The following ARHGAP10 variants were observed in gnomAD, a reference collection of about 807,000 sequenced individuals.
ARHGAP10 encodes Rho GTPase activating protein 10.
A neutral mutation model predicts 108.6 loss-of-function variants in ARHGAP10; 87 were observed. That is an observed-to-expected ratio of 0.80 (90% CI 0.67 to 0.96). The LOEUF (loss-of-function observed/expected upper bound fraction) is 0.96. Among genes scored for constraint, ARHGAP10 ranks in the 40% least tolerant of loss-of-function variants. ARHGAP10 has a pLI of 0.00. For missense variants in ARHGAP10, 939 were observed against 954.5 expected (o/e 0.98, Z 0.21); for synonymous variants, 347 against 341.1 (o/e 1.02, Z -0.19).
chr4:147,748,005 C>G (rs1425221297), intron 1 of ARHGAP10, among the ~76,000 whole-genome samples: 2 of 152,114 alleles, frequency 1.3e-5, no homozygotes, highest in African/African-American at 4.8e-5. Flanking sequence ...TGCTAAACAC[C>G]CTGCAGTGCA....
At chr4:147,974,332 T>C (rs1739516453) in intron 18 of ARHGAP10, among the ~76,000 whole-genome samples, 1 of 152,200 alleles carries the variant, frequency 6.6e-6, no homozygotes, top group East Asian at 1.9e-4. Context: ...TACATTATAA[T>C]GTAATAAAAA....
chr4:147,999,202 T>C (rs910244308), intron 18 of ARHGAP10, among the ~76,000 whole-genome samples: 1 of 152,154 alleles, frequency 6.6e-6, no homozygotes. Context: ...GAGAGCTCAC[T>C]AAAATGCTAA....
intron 18 of ARHGAP10, among the ~76,000 whole-genome samples, chr4:148,016,078 G>A (rs960114312): frequency 1.3e-5 from 2 of 152,182 alleles, no homozygotes; most frequent in African/African-American, 4.8e-5. Flanking sequence ...CAAGCACTTG[G>A]CATAATGTCA....
intron 10 of ARHGAP10, among the ~76,000 whole-genome samples, chr4:147,903,942 T>C (rs906446452): frequency 6.6e-6 from 1 of 152,256 alleles, no homozygotes; most frequent in Non-Finnish European, 1.5e-5. Flanking sequence ...TGCAGGTTCT[T>C]GTGTAGACAT....
chr4:147,837,788 T>G (rs1162029523), intron 3 of ARHGAP10, among the ~76,000 whole-genome samples: 1 of 151,944 alleles, frequency 6.6e-6, no homozygotes, highest in Non-Finnish European at 1.5e-5. Flanking sequence ...GGAGGTGGAC[T>G]TTGTTTCAGT....
intron 18 of ARHGAP10, among the ~76,000 whole-genome samples, chr4:147,976,520 A>G (rs1739602129): frequency 6.7e-6 from 1 of 150,158 alleles, no homozygotes; most frequent in African/African-American, 2.5e-5. Context: ...TTGCTATGAA[A>G]ACTTTACTGT....
chr4:147,934,680 T>C (rs1277904422), intron 13 of ARHGAP10, among the ~76,000 whole-genome samples: 1 of 152,024 alleles, frequency 6.6e-6, no homozygotes, highest in African/African-American at 2.4e-5. Context: ...CTACAAAAAA[T>C]AGATTCAGCC....
At chr4:147,833,360 T>A (rs577518104) in intron 3 of ARHGAP10, among the ~76,000 whole-genome samples, 2 of 152,318 alleles carry the variant, frequency 1.3e-5, no homozygotes, top group Admixed American at 6.5e-5. Context: ...TTGGTTTCTC[T>A]CCTGCCACCA....
chr4:147,857,509 A>T (rs748111094), intron 4 of ARHGAP10, 44 bp from the exon 5 acceptor site: 36 of 1,404,850 alleles, frequency 2.6e-5, no homozygotes, highest in Admixed American at 3.2e-5. Context: ...AACCATGTGT[A>T]TCCTTTTGTT....
At chr4:147,842,472 T>C (rs1460912189) in intron 3 of ARHGAP10, among the ~76,000 whole-genome samples, 1 of 152,208 alleles carries the variant, frequency 6.6e-6, no homozygotes, top group African/African-American at 2.4e-5. Context: ...CTCTACTTTC[T>C]GAGCATTTCC....
chr4:148,034,282 C>T (rs891830960), intron 19 of ARHGAP10, among the ~76,000 whole-genome samples: 1 of 152,050 alleles, frequency 6.6e-6, no homozygotes, highest in African/African-American at 2.4e-5. Flanking sequence ...CAACATTATA[C>T]CTAAGTTTGT....
chr4:147,748,061 C>T (rs1016076440), intron 1 of ARHGAP10, among the ~76,000 whole-genome samples: 2 of 152,166 alleles, frequency 1.3e-5, no homozygotes, highest in African/African-American at 4.8e-5. Flanking sequence ...CCCAAATGTT[C>T]GTAGTGCTGA....
At chr4:147,737,354 G>C (rs1056627979) in intron 1 of ARHGAP10, among the ~76,000 whole-genome samples, 3 of 149,836 alleles carry the variant, frequency 2.0e-5, no homozygotes, top group African/African-American at 7.4e-5. Context: ...GTAAAGACAG[G>C]GTTTCACTGT....
At chr4:148,021,842 A>G (rs1741579463) in intron 18 of ARHGAP10, among the ~76,000 whole-genome samples, 1 of 152,262 alleles carries the variant, frequency 6.6e-6, no homozygotes, top group African/African-American at 2.4e-5. Context: ...CAGTTGGAGC[A>G]ATAAATTAAA....
chr4:147,769,953 T>C (rs938322676), intron 1 of ARHGAP10, among the ~76,000 whole-genome samples: 1 of 152,156 alleles, frequency 6.6e-6, no homozygotes, highest in Admixed American at 6.6e-5. Context: ...TGTGGAGTGT[T>C]GAAAGATCAT....
chr4:147,962,393 G>T (rs760703640), intron 16 of ARHGAP10, among the ~76,000 whole-genome samples: 2 of 152,208 alleles, frequency 1.3e-5, no homozygotes, highest in Non-Finnish European at 2.9e-5. Context: ...GAGGCTAAGT[G>T]CTTTATGTAT....
intron 18 of ARHGAP10, among the ~76,000 whole-genome samples, chr4:148,004,217 A>T (rs769538313): frequency 7.9e-5 from 12 of 152,196 alleles, no homozygotes; most frequent in Non-Finnish European, 1.2e-4. Context: ...TTAAGCTTTG[A>T]AGGGCATCTC....
chr4:147,763,315 G>GTTTT (rs771156855), intron 1 of ARHGAP10, among the ~76,000 whole-genome samples: 4 of 138,924 alleles, frequency 2.9e-5, no homozygotes, highest in African/African-American at 7.9e-5. Flanking sequence ...GTAGATAATA[G>GTTTT]TTTTTTTTTT....
intron 18 of ARHGAP10, among the ~76,000 whole-genome samples, chr4:147,975,676 A>G (rs1400369252): frequency 6.6e-6 from 1 of 152,186 alleles, no homozygotes; most frequent in Non-Finnish European, 1.5e-5. Flanking sequence ...CCTATGCCTG[A>G]GATAACATGA....
Sources: allele counts gnomAD v4.1 joint callset (sites outside exome capture counted in the v4.1 genomes callset), GRCh38; gene constraint gnomAD v4.1.1; transcripts MANE v1.5; gene names NCBI Gene and HGNC (gene_info 2026-07-23, HGNC 2026-07-21).